GMDS: variants seen among roughly 807,000 people sequenced by gnomAD.
GMDS encodes the protein GDP-mannose 4,6-dehydratase, also known as GDP-mannose 4,6 dehydratase.
Under a neutral mutation model 49.9 loss-of-function variants are expected in GMDS, and 20 were observed. The ratio of observed to expected loss-of-function variants is 0.40; its 90% CI spans 0.28 to 0.58. GMDS has a LOEUF of 0.58. Among genes scored for constraint, GMDS ranks in the 20% least tolerant of loss-of-function variants. The pLI is 0.42. For missense variants in GMDS, 362 were observed against 481.4 expected (o/e 0.75, Z 2.32); for synonymous variants, 177 against 178.6 (o/e 0.99, Z 0.07).
At chr6:1,641,692 C>T (rs997359855) in intron 9 of GMDS, among the ~76,000 whole-genome samples, 1 of 151,690 alleles carries the variant, frequency 6.6e-6, no homozygotes, top group Admixed American at 6.6e-5. Flanking sequence ...CAGCTCGCGT[C>T]TCTCGGATGA....
At chr6:1,939,935 T>C (rs904037105) in intron 6 of GMDS, among the ~76,000 whole-genome samples, 5 of 152,048 alleles carry the variant, frequency 3.3e-5, no homozygotes, top group Non-Finnish European at 4.4e-5. Flanking sequence ...CTATGGGAGG[T>C]TCACTAAGTC....
At chr6:1,769,183 C>T (rs758380707) in intron 7 of GMDS, among the ~76,000 whole-genome samples, 8 of 152,142 alleles carry the variant, frequency 5.3e-5, no homozygotes, top group East Asian at 3.8e-4. Flanking sequence ...TCAAGCTTCA[C>T]GACAATAACT....
At chr6:1,962,990 C>A (rs1320827857) in intron 4 of GMDS, among the ~76,000 whole-genome samples, 1 of 150,994 alleles carries the variant, frequency 6.6e-6, no homozygotes, top group African/African-American at 2.4e-5. Context: ...GATTTTCCTG[C>A]CTCAGCCTCC....
chr6:2,208,837 G>T (rs139969214), intron 1 of GMDS, among the ~76,000 whole-genome samples: 1 of 147,300 alleles, frequency 6.8e-6, no homozygotes, highest in Non-Finnish European at 1.5e-5. Context: ...TTCTAAGGCC[G>T]GTACAGTGGG....
At chr6:2,132,394 C>A (rs997990422) in intron 1 of GMDS, among the ~76,000 whole-genome samples, 6 of 152,132 alleles carry the variant, frequency 3.9e-5, no homozygotes, top group African/African-American at 9.7e-5. Context: ...TTAGTCCCTG[C>A]CCTATTGCTC....
intron 1 of GMDS, among the ~76,000 whole-genome samples, chr6:2,234,563 C>T (rs1346940676): frequency 1.3e-5 from 2 of 151,896 alleles, no homozygotes; most frequent in Non-Finnish European, 2.9e-5. Flanking sequence ...GAGCCAAAAT[C>T]GCACCACTGC....
chr6:1,972,262 G>C (rs189385985), intron 4 of GMDS, among the ~76,000 whole-genome samples: 7 of 133,682 alleles, frequency 5.2e-5, no homozygotes, highest in Admixed American at 5.2e-4. Flanking sequence ...CTGGGTTTTT[G>C]TTTTTTTTTT....
rs141147529 is a variant in GMDS, at chr6:1,810,166, C to T, written c.772-67580G>A. 1.8e-3 allele frequency among the ~76,000 whole-genome samples: 271 copies of T among 152,196 alleles called. 1 individual carries two copies. Among genetic ancestry groups the T allele is most frequent in the African/African-American group, 6.2e-3 (257 of 41,534 alleles). ...CAGAGGAGAGGGAGCTGGCTAACTG[C>T]GTATGTCACTGTGTGCTGTCACAGA... On this transcript the variant is annotated intron_variant, in intron 7 of 10. Transcript: ENST00000380815.
Position 2,187,840 on chromosome 6 carries a change from A to G in GMDS, c.102+57481T>C, listed in dbSNP as rs551031748. Among the ~76,000 whole-genome samples, 14 of 152,378 alleles carry G rather than the reference A, an allele frequency of 9.2e-5. No homozygotes were observed. The East Asian group carries it at 1.5e-3, about 17-fold the overall frequency. ...AGACTGTTATTTAAAAAGGGCTTCA[A>G]TAAAATTTCTAAAGAACAGGAAATT... On this transcript the variant is annotated intron_variant, in intron 1 of 10. Transcript: ENST00000380815.
chr6:1,756,434 TTG>T (rs1338900942), intron 7 of GMDS, among the ~76,000 whole-genome samples: 17 of 152,036 alleles, frequency 1.1e-4, no homozygotes, highest in Admixed American at 2.6e-4. Context: ...CAGCTAATTT[TTG>T]TGTGTGTTTT....
At chr6:1,685,989 G>GC (rs1247826300) in intron 9 of GMDS, among the ~76,000 whole-genome samples, 2 of 152,290 alleles carry the variant, frequency 1.3e-5, no homozygotes, top group Middle Eastern at 3.4e-3. Context: ...GGGTGATCAT[G>GC]CCATAAAGCA....
intron 9 of GMDS, among the ~76,000 whole-genome samples, chr6:1,688,216 A>T (rs1344802779): frequency 1.3e-5 from 2 of 152,146 alleles, no homozygotes; most frequent in Admixed American, 1.3e-4. Context: ...GTTGACTCTG[A>T]TGCTTTGGGG....
At chr6:2,091,913 A>T (rs981520546) in intron 4 of GMDS, among the ~76,000 whole-genome samples, 29 of 152,020 alleles carry the variant, frequency 1.9e-4, no homozygotes, top group African/African-American at 6.0e-4. Flanking sequence ...GGAAAAAAAA[A>T]ATCAGGAGAG....
In GMDS at chr6:1,662,722, G is replaced by A. The variant is rs74412365; in HGVS notation, c.988-38182C>T. On this transcript the variant is annotated intron_variant, in intron 9 of 10. Coordinates refer to ENST00000380815, the MANE Select transcript of GMDS (RefSeq NM_001500.4). ...AATGCCTTAAATTCTCAACAAAGAT[G>A]AGCTGAAAAAAATCATTCCAACATT... Among the ~76,000 whole-genome samples, 971 of 152,230 alleles carry A rather than the reference G, an allele frequency of 6.4e-3. 11 individuals carry two copies. Among genetic ancestry groups the A allele is most frequent in the African/African-American group, 0.022 (926 of 41,520 alleles).
intron 7 of GMDS, among the ~76,000 whole-genome samples, chr6:1,768,075 AC>A: frequency 6.6e-6 from 1 of 152,320 alleles, no homozygotes; most frequent in East Asian, 1.9e-4. Flanking sequence ...TGTATATGTT[AC>A]TATATGAAGC....
chr6:1,995,127 G>C (rs1455852985), intron 4 of GMDS, among the ~76,000 whole-genome samples: 1 of 152,146 alleles, frequency 6.6e-6, no homozygotes, highest in Non-Finnish European at 1.5e-5. Context: ...ACCACAGCCA[G>C]GGAGAAATGG....
At chr6:1,736,025 A>G (rs1244934391) in intron 8 of GMDS, among the ~76,000 whole-genome samples, 1 of 152,166 alleles carries the variant, frequency 6.6e-6, no homozygotes, top group Non-Finnish European at 1.5e-5. Context: ...TGAAGGCAGC[A>G]GTTATTTTGA....
intron 7 of GMDS, among the ~76,000 whole-genome samples, chr6:1,927,276 C>T (rs1050173452): frequency 4.8e-5 from 7 of 146,198 alleles, no homozygotes; most frequent in South Asian, 2.2e-4. Context: ...TATTTTTATT[C>T]GGAGGGTAGC....
intron 7 of GMDS, among the ~76,000 whole-genome samples, chr6:1,750,327 T>C (rs1767668101): frequency 1.3e-5 from 2 of 152,224 alleles, no homozygotes; most frequent in Non-Finnish European, 2.9e-5. Flanking sequence ...ACTCTGGAGC[T>C]GCCAGTGAGA....
Sources: gnomAD v4.1 joint callset for allele counts (sites outside exome capture counted in the v4.1 genomes callset) on GRCh38, gnomAD v4.1.1 for gene constraint, MANE v1.5 for transcripts, NCBI Gene and HGNC (gene_info 2026-07-23, HGNC 2026-07-21) for gene names.